The following CHLSN variants were observed in gnomAD, a reference collection of about 807,000 sequenced individuals.
The protein encoded by CHLSN is protein cholesin.
the CHLSN span, among the ~76,000 whole-genome samples, chr7:1,136,433 CAT>C: frequency 0.023 from 2,346 of 100,010 alleles, 103 homozygotes; most frequent in East Asian, 0.11. Context: ...TATATATAAA[CAT>C]ATATATAAAT....
chr7:1,054,469 G>C, the CHLSN span, among the ~76,000 whole-genome samples: 2 of 152,240 alleles, frequency 1.3e-5, no homozygotes, highest in Admixed American at 1.3e-4. Flanking sequence ...CGGCTGGGGT[G>C]ACAGCACGCA....
the CHLSN span, among the ~76,000 whole-genome samples, chr7:1,018,197 C>A: frequency 2.0e-5 from 3 of 152,226 alleles, no homozygotes; most frequent in Non-Finnish European, 4.4e-5. Context: ...GACACGCACA[C>A]TAGGGCTTGG....
the CHLSN span, chr7:988,289 A>G: frequency 6.3e-7 from 1 of 1,593,864 alleles, no homozygotes; most frequent in Non-Finnish European, 8.6e-7. Context: ...CACGCCCGTG[A>G]TTCCCCTGCT....
chr7:1,070,024 G>A, the CHLSN span, among the ~76,000 whole-genome samples: 3,481 of 62,586 alleles, frequency 0.056, 2 homozygotes, highest in Non-Finnish European at 0.07. Flanking sequence ...TGTGAGGAGC[G>A]CCTCTGCCCG....
chr7:1,015,129 C>A, the CHLSN span, among the ~76,000 whole-genome samples: 1 of 152,232 alleles, frequency 6.6e-6, no homozygotes, highest in African/African-American at 2.4e-5. Context: ...CTTCCCCAGC[C>A]GTGGCCTCAC....
chr7:1,004,396 C>G, the CHLSN span, among the ~76,000 whole-genome samples: 1 of 152,176 alleles, frequency 6.6e-6, no homozygotes, highest in Non-Finnish European at 1.5e-5. Context: ...CACGGGTGTT[C>G]CCAGAGCCCA....
the CHLSN span, among the ~76,000 whole-genome samples, chr7:1,108,895 A>ATTTTTTTTTTTTTTTTTTTTTTTT: frequency 7.7e-6 from 1 of 129,514 alleles, no homozygotes; most frequent in African/African-American, 3.0e-5. Flanking sequence ...TCTCCCAGGC[A>ATTTTTTTTTTTTTTTTTTTTTTTT]TTTTTTTTTT....
chr7:1,078,885 C>T, the CHLSN span, among the ~76,000 whole-genome samples: 1 of 152,262 alleles, frequency 6.6e-6, no homozygotes, highest in Non-Finnish European at 1.5e-5. Context: ...AGCCCCAGCT[C>T]AGCCTTCCCC....
chr7:1,099,629 G>C, the CHLSN span, among the ~76,000 whole-genome samples: 1 of 150,552 alleles, frequency 6.6e-6, no homozygotes, highest in Non-Finnish European at 1.5e-5. Flanking sequence ...GTCAAAATTA[G>C]AGCTGAACTG....
At chr7:1,134,234 T>C in the CHLSN span, among the ~76,000 whole-genome samples, 2 of 149,776 alleles carry the variant, frequency 1.3e-5, no homozygotes, top group African/African-American at 2.5e-5. Flanking sequence ...GATCACGCCA[T>C]GATACTCCAG....
the CHLSN span, among the ~76,000 whole-genome samples, chr7:1,011,611 C>T: frequency 2.7e-5 from 4 of 149,190 alleles, no homozygotes; most frequent in Admixed American, 2.0e-4. Context: ...CAGCCACACA[C>T]GCCCACACCC....
At chr7:1,085,918 C>T in the CHLSN span, among the ~76,000 whole-genome samples, 1 of 152,164 alleles carries the variant, frequency 6.6e-6, no homozygotes, top group African/African-American at 2.4e-5. Context: ...CGTCACACAT[C>T]AAGTATTAAG....
At chr7:1,007,072 G>T in the CHLSN span, among the ~76,000 whole-genome samples, 1 of 152,318 alleles carries the variant, frequency 6.6e-6, no homozygotes, top group African/African-American at 2.4e-5. Context: ...CTTGGGGGCA[G>T]AGCCTTCGGG....
At chr7:1,136,657 CTG>C in the CHLSN span, among the ~76,000 whole-genome samples, 7 of 145,168 alleles carry the variant, frequency 4.8e-5, no homozygotes, top group East Asian at 2.0e-4. Flanking sequence ...TGTGTATAAA[CTG>C]TGTATATATA....
At chr7:997,781 G>GGTGGAGAA in the CHLSN span, 1 of 1,606,710 alleles carries the variant, frequency 6.2e-7, no homozygotes, top group Non-Finnish European at 8.5e-7. Context: ...AGGCCAGCAG[G>GGTGGAGAA]GTGGAGAAGT....
the CHLSN span, among the ~76,000 whole-genome samples, chr7:1,122,426 G>A: frequency 6.6e-6 from 1 of 152,346 alleles, no homozygotes; most frequent in Non-Finnish European, 1.5e-5. Context: ...CACTCGGCTG[G>A]CTCTGCATGG....
chr7:1,009,057 G>T, the CHLSN span, among the ~76,000 whole-genome samples: 1 of 118,094 alleles, frequency 8.5e-6, no homozygotes, highest in Admixed American at 9.2e-5. Context: ...ACGTACACGT[G>T]CACGTGCACG....
chr7:1,058,580 C>T, the CHLSN span: 145 of 691,926 alleles, frequency 2.1e-4, 1 homozygote, highest in Admixed American at 6.7e-4. Flanking sequence ...TTACCCTGGA[C>T]GCTCCCCACA....
At chr7:1,068,154 C>T in the CHLSN span, among the ~76,000 whole-genome samples, 16 of 152,174 alleles carry the variant, frequency 1.1e-4, no homozygotes, top group Non-Finnish European at 1.9e-4. Context: ...CCTTGAGACA[C>T]GGATGCTTTG....
Sources: gnomAD v4.1 joint callset for allele counts (sites outside exome capture counted in the v4.1 genomes callset) on GRCh38, gnomAD v4.1.1 for gene constraint, MANE v1.5 for transcripts, NCBI Gene and HGNC (gene_info 2026-07-23, HGNC 2026-07-21) for gene names.